Variants in SOX5 observed in about 807,000 individuals in gnomAD.
The protein encoded by SOX5 is transcription factor SOX-5.
In SOX5, 9 loss-of-function variants were observed where a neutral mutation model predicts 92.0. The observed-to-expected ratio is 0.10, with a 90% CI of 0.06 to 0.17. SOX5 has a LOEUF of 0.17. Among genes scored for constraint, SOX5 ranks in the 10% least tolerant of loss-of-function variants. SOX5 has a pLI of 1.00. For missense variants in SOX5, 642 were observed against 944.5 expected, an observed-to-expected ratio of 0.68 and a Z score of 4.20; for synonymous variants, 344 against 336.3, an observed-to-expected ratio of 1.02 and a Z score of -0.25.
intron 1 of SOX5, among the ~76,000 whole-genome samples, chr12:23,936,582 A>G (rs1301031369): frequency 1.3e-5 from 2 of 150,802 alleles, no homozygotes; most frequent in Non-Finnish European, 3.0e-5. Flanking sequence ...TACCATACTG[A>G]GCTATGAACC....
intron 1 of SOX5, among the ~76,000 whole-genome samples, chr12:23,910,728 G>A (rs2097342382): frequency 6.6e-6 from 1 of 152,134 alleles, no homozygotes; most frequent in South Asian, 2.1e-4. Flanking sequence ...TGCAGCTGCA[G>A]TGTAAGTCTT....
chr12:23,624,686 T>C (rs1258674483), intron 8 of SOX5, among the ~76,000 whole-genome samples: 1 of 152,202 alleles, frequency 6.6e-6, no homozygotes, highest in Non-Finnish European at 1.5e-5. Flanking sequence ...AATTGCTTTC[T>C]GAGGTTGTCA....
At chr12:23,600,464 A>T (rs949080288) in intron 9 of SOX5, among the ~76,000 whole-genome samples, 4 of 143,264 alleles carry the variant, frequency 2.8e-5, no homozygotes, top group African/African-American at 5.1e-5. Context: ...AAATCTGTCA[A>T]TGCTCTTAAT....
chr12:24,221,603 C>A (rs906299580), intron 3 of SOX5, among the ~76,000 whole-genome samples: 6 of 152,180 alleles, frequency 3.9e-5, no homozygotes, highest in Non-Finnish European at 8.8e-5. Flanking sequence ...GCCCACTGAG[C>A]ACCTACTACC....
At chr12:23,945,131 C>T (rs1456198552) in intron 1 of SOX5, among the ~76,000 whole-genome samples, 3 of 152,208 alleles carry the variant, frequency 2.0e-5, no homozygotes, top group Non-Finnish European at 2.9e-5. Flanking sequence ...AGCCTTTACC[C>T]ATGAATGTAA....
At chr12:23,661,452 A>G (rs1488536848) in intron 7 of SOX5, among the ~76,000 whole-genome samples, 1 of 152,204 alleles carries the variant, frequency 6.6e-6, no homozygotes, top group Non-Finnish European at 1.5e-5. Flanking sequence ...CCTTATATCC[A>G]TCAACCACCT....
At chr12:24,498,826 G>A (rs2138092071) in intron 1 of SOX5, among the ~76,000 whole-genome samples, 1 of 152,142 alleles carries the variant, frequency 6.6e-6, no homozygotes, top group African/African-American at 2.4e-5. Flanking sequence ...CCTCTCTCAG[G>A]GTATCGCTTG....
chr12:23,718,826 C>T (rs958767504), intron 6 of SOX5, among the ~76,000 whole-genome samples: 6 of 152,040 alleles, frequency 3.9e-5, no homozygotes, highest in South Asian at 2.1e-4. Context: ...ATGGAGGAGA[C>T]GGGCAATAGG....
intron 1 of SOX5, among the ~76,000 whole-genome samples, chr12:24,424,562 C>G (rs567789871): frequency 5.9e-5 from 9 of 152,076 alleles, no homozygotes; most frequent in Non-Finnish European, 1.3e-4. Context: ...CCCCCCACCC[C>G]CCAAGTTACT....
intron 4 of SOX5, among the ~76,000 whole-genome samples, chr12:23,994,125 A>G (rs1216984333): frequency 6.6e-6 from 1 of 152,038 alleles, no homozygotes; most frequent in African/African-American, 2.4e-5. Flanking sequence ...CTTGTCTCCA[A>G]AAACAAAATA....
chr12:23,812,655 T>C (rs938637154), intron 3 of SOX5, among the ~76,000 whole-genome samples: 5 of 152,138 alleles, frequency 3.3e-5, no homozygotes, highest in African/African-American at 1.2e-4. Flanking sequence ...TTCTTTGATA[T>C]CCAATACCTG....
At chr12:24,406,594 C>T (rs1336486549) in intron 1 of SOX5, among the ~76,000 whole-genome samples, 1 of 152,122 alleles carries the variant, frequency 6.6e-6, no homozygotes, top group African/African-American at 2.4e-5. Flanking sequence ...TAGTCCAACT[C>T]AAAACTGGGC....
At chr12:24,075,455 C>A (rs536624595) in intron 4 of SOX5, among the ~76,000 whole-genome samples, 2 of 152,058 alleles carry the variant, frequency 1.3e-5, no homozygotes, top group East Asian at 3.9e-4. Flanking sequence ...ATAGCTATGA[C>A]CTACATTATC....
chr12:24,366,600 A>G (rs1321326130), intron 2 of SOX5, among the ~76,000 whole-genome samples: 3 of 152,108 alleles, frequency 2.0e-5, no homozygotes, highest in Non-Finnish European at 2.9e-5. Flanking sequence ...GATTTTTCAT[A>G]TGTTAGTAAA....
At chr12:23,567,967 A>G (rs1047744481) in intron 10 of SOX5, among the ~76,000 whole-genome samples, 3 of 152,178 alleles carry the variant, frequency 2.0e-5, no homozygotes, top group African/African-American at 7.2e-5. Context: ...ATAAAATACA[A>G]AACCACTTGT....
chr12:23,662,976 G>A (rs577853217), intron 7 of SOX5, among the ~76,000 whole-genome samples: 12 of 152,134 alleles, frequency 7.9e-5, no homozygotes, highest in Non-Finnish European at 1.8e-4. Flanking sequence ...AGTCACAAAT[G>A]GTTGACAACC....
intron 4 of SOX5, among the ~76,000 whole-genome samples, chr12:23,748,849 C>T (rs915246653): frequency 4.0e-5 from 6 of 151,772 alleles, no homozygotes; most frequent in African/African-American, 7.3e-5. Flanking sequence ...TTTAATATTC[C>T]GCCTAATGAA....
intron 4 of SOX5, among the ~76,000 whole-genome samples, chr12:23,986,800 A>G (rs899945671): frequency 6.6e-6 from 1 of 152,180 alleles, no homozygotes; most frequent in Admixed American, 6.5e-5. Flanking sequence ...CATAATCCCC[A>G]TTTATGATCC....
intron 4 of SOX5, among the ~76,000 whole-genome samples, chr12:23,985,174 G>T (rs1373925531): frequency 6.6e-6 from 1 of 151,754 alleles, no homozygotes; most frequent in Non-Finnish European, 1.5e-5. Context: ...TTATAAAAAT[G>T]GTTATATATT....
Sources: gnomAD v4.1 joint callset for allele counts (sites outside exome capture counted in the v4.1 genomes callset) on GRCh38, gnomAD v4.1.1 for gene constraint, MANE v1.5 for transcripts, NCBI Gene and HGNC (gene_info 2026-07-23, HGNC 2026-07-21) for gene names.